Variants in LYPLA1 observed in about 807,000 individuals in gnomAD.
LYPLA1 encodes the protein lysophospholipase 1.
LYPLA1 carries 17 observed loss-of-function variants against 34.0 expected under a neutral mutation model. The ratio of observed to expected loss-of-function variants is 0.50; its 90% CI spans 0.34 to 0.75. The LOEUF (loss-of-function observed/expected upper bound fraction) is 0.75, where lower values mean the gene tolerates loss of function less well. Ranked by LOEUF, LYPLA1 falls within the 30% of genes least tolerant of loss-of-function variation. LYPLA1 has a pLI of 0.01. For missense variants in LYPLA1, 203 were observed against 288.8 expected, an observed-to-expected ratio of 0.70 and a Z score of 2.15; for synonymous variants, 98 against 100.8, an observed-to-expected ratio of 0.97 and a Z score of 0.17.
At chr8:54,056,005 T>C (rs1185785333) in intron 5 of LYPLA1, among the ~76,000 whole-genome samples, 1 of 152,022 alleles carries the variant, frequency 6.6e-6, no homozygotes, top group Admixed American at 6.6e-5. Context: ...GCAAAAAGAA[T>C]AAAACTAGAG....
chr8:54,100,832 T>C, intron 2 of LYPLA1, 76 bp downstream of exon 2: 1 of 1,182,864 alleles, frequency 8.5e-7, no homozygotes, highest in Non-Finnish European at 1.3e-6. Context: ...CCTTAAACAT[T>C]AAACCTTTGA....
intron 2 of LYPLA1, among the ~76,000 whole-genome samples, chr8:54,076,460 C>T (rs888697049): frequency 2.0e-5 from 3 of 152,182 alleles, no homozygotes; most frequent in African/African-American, 7.2e-5. Flanking sequence ...AAGTAGCTCA[C>T]CATGACAAAG....
chr8:54,084,397 C>T (rs1480068955), intron 2 of LYPLA1, among the ~76,000 whole-genome samples: 2 of 151,778 alleles, frequency 1.3e-5, no homozygotes, highest in East Asian at 1.9e-4. Flanking sequence ...ATGGTGAAAC[C>T]CCATCTCTAC....
At chr8:54,082,228 T>C (rs1044417679) in intron 2 of LYPLA1, among the ~76,000 whole-genome samples, 1 of 152,164 alleles carries the variant, frequency 6.6e-6, no homozygotes. Context: ...GTTTCAGCTA[T>C]GAAAATCAAA....
At chr8:54,101,610 C>T (rs1810163432) in intron 1 of LYPLA1, 145 bp downstream of exon 1, 1 of 1,151,574 alleles carries the variant, frequency 8.7e-7, no homozygotes, top group Non-Finnish European at 1.1e-6. Flanking sequence ...GACCCGGCCG[C>T]GCGGACCATT....
intron 2 of LYPLA1, among the ~76,000 whole-genome samples, chr8:54,078,522 C>T (rs959639895): frequency 2.0e-5 from 3 of 152,304 alleles, no homozygotes; most frequent in South Asian, 4.1e-4. Flanking sequence ...CACATCCGTA[C>T]GCTGCTCAAC....
downstream of LYPLA1, among the ~76,000 whole-genome samples, chr8:54,045,837 G>C (rs1279728165): frequency 2.6e-5 from 4 of 152,212 alleles, no homozygotes; most frequent in African/African-American, 9.6e-5. Context: ...GAAGCGAGTG[G>C]ATCACCTGAG....
At chr8:54,073,555 C>A in intron 2 of LYPLA1, 3 of 629,316 alleles carry the variant, frequency 4.8e-6, no homozygotes, top group Admixed American at 2.6e-5. Context: ...CTTTTCTATA[C>A]AAAGTTACTA....
intron 2 of LYPLA1, among the ~76,000 whole-genome samples, chr8:54,080,730 G>A (rs1808252553): frequency 6.6e-6 from 1 of 152,114 alleles, no homozygotes; most frequent in African/African-American, 2.4e-5. Flanking sequence ...TGGGACTACA[G>A]GCCTGTGCCA....
intron 2 of LYPLA1, among the ~76,000 whole-genome samples, chr8:54,082,711 G>C (rs1315310431): frequency 6.6e-6 from 1 of 152,074 alleles, no homozygotes; most frequent in Non-Finnish European, 1.5e-5. Context: ...TTTTCACACA[G>C]ATTTCTCATG....
intron 8 of LYPLA1, among the ~76,000 whole-genome samples, chr8:54,048,637 G>T (rs1805634279): frequency 6.6e-6 from 1 of 152,126 alleles, no homozygotes; most frequent in African/African-American, 2.4e-5. Context: ...TATCATAGAA[G>T]AAACTTTCTC....
chr8:54,100,400 TAAG>T (rs939790300), intron 2 of LYPLA1: 1 of 152,488 alleles, frequency 6.6e-6, no homozygotes, highest in African/African-American at 2.4e-5. Context: ...AAAATAAAAA[TAAG>T]TAGTTAGTAC....
chr8:54,049,401 C>T (rs1390085868), intron 8 of LYPLA1, among the ~76,000 whole-genome samples: 3 of 152,062 alleles, frequency 2.0e-5, no homozygotes, highest in Non-Finnish European at 4.4e-5. Flanking sequence ...TTATATTCAT[C>T]CATCCTTTCT....
chr8:54,051,229 A>T, intron 7 of LYPLA1, 41 bp from the exon 8 acceptor site: 1 of 1,493,526 alleles, frequency 6.7e-7, no homozygotes, highest in Non-Finnish European at 9.1e-7. Context: ...TTTTTGTAAA[A>T]GTATAGGACA....
downstream of LYPLA1, chr8:54,044,686 C>T (rs189932133): frequency 2.6e-5 from 4 of 152,164 alleles, no homozygotes; most frequent in East Asian, 1.9e-4. Flanking sequence ...TTTGTAATCC[C>T]AGCACTTTGG....
intron 2 of LYPLA1, among the ~76,000 whole-genome samples, chr8:54,089,927 C>A (rs1009648151): frequency 2.0e-5 from 3 of 152,144 alleles, no homozygotes; most frequent in Non-Finnish European, 2.9e-5. Context: ...ATGAAATGCT[C>A]CTGATTATTG....
At chr8:54,064,312 G>A (rs1027536259) in intron 3 of LYPLA1, among the ~76,000 whole-genome samples, 2 of 152,148 alleles carry the variant, frequency 1.3e-5, no homozygotes, top group South Asian at 2.1e-4. Context: ...AGCTACTTGG[G>A]AGGCTGAGGC....
chr8:54,093,974 T>C (rs1420623773), intron 2 of LYPLA1, among the ~76,000 whole-genome samples: 1 of 152,220 alleles, frequency 6.6e-6, no homozygotes, highest in Non-Finnish European at 1.5e-5. Flanking sequence ...GATCTCCAAA[T>C]CACATTCTAT....
chr8:54,056,413 G>A (rs1362848478), intron 5 of LYPLA1, among the ~76,000 whole-genome samples: 1 of 152,128 alleles, frequency 6.6e-6, no homozygotes, highest in Non-Finnish European at 1.5e-5. Flanking sequence ...TACCCCACAA[G>A]CATATCAACC....
Sources: allele counts gnomAD v4.1 joint callset (sites outside exome capture counted in the v4.1 genomes callset), GRCh38; gene constraint gnomAD v4.1.1; transcripts MANE v1.5; gene names NCBI Gene and HGNC (gene_info 2026-07-23, HGNC 2026-07-21).